The following NT5DC3 variants were observed in gnomAD, a reference collection of about 807,000 sequenced individuals.
NT5DC3 encodes 5'-nucleotidase domain-containing protein 3.
NT5DC3 carries 42 observed loss-of-function variants against 67.8 expected under a neutral mutation model. The observed-to-expected ratio is 0.62, with a 90% CI of 0.48 to 0.80. The LOEUF (loss-of-function observed/expected upper bound fraction) is 0.80. Ranked by LOEUF, NT5DC3 falls within the 30% of genes least tolerant of loss-of-function variation. The probability of loss-of-function intolerance (pLI) is 0.00; values close to 1 mark genes in which losing one functional copy is unlikely to be tolerated. For synonymous variants in NT5DC3, 237 were observed against 255.6 expected, an observed-to-expected ratio of 0.93 and a Z score of 0.69; for missense variants, 570 against 696.4, an observed-to-expected ratio of 0.82 and a Z score of 2.04.
intron 9 of NT5DC3, among the ~76,000 whole-genome samples, chr12:103,789,573 G>A (rs1413619315): frequency 6.6e-6 from 1 of 152,108 alleles, no homozygotes; most frequent in African/African-American, 2.4e-5. Flanking sequence ...CAGATTTCCC[G>A]GATTTACTTG....
At chr12:103,766,110 AC>A (rs1200034883), downstream of NT5DC3, 8 of 825,602 alleles carry the variant, frequency 9.7e-6, no homozygotes, top group East Asian at 2.7e-5. Flanking sequence ...AGGTGGCCCT[AC>A]CCCCAGCCCA....
chr12:103,759,286 C>T, the NT5DC3 span: 2 of 1,612,078 alleles, frequency 1.2e-6, 1 homozygote, highest in South Asian at 2.2e-5. Context: ...ACAAAGTCTT[C>T]TGGGCTTCTT....
At chr12:103,779,674 G>A (rs1275978252) in intron 13 of NT5DC3, among the ~76,000 whole-genome samples, 10 of 152,090 alleles carry the variant, frequency 6.6e-5, no homozygotes, top group Admixed American at 4.6e-4. Context: ...GCTCAGAGAC[G>A]GCTATACCCA....
At chr12:103,798,169 GAAAGAGAACCACA>G (rs1886402965) in intron 5 of NT5DC3, among the ~76,000 whole-genome samples, 1 of 152,152 alleles carries the variant, frequency 6.6e-6, no homozygotes, top group South Asian at 2.1e-4. Context: ...ATTCTGAGTG[GAAAGAGAACCACA>G]AAAGATAGAA....
the NT5DC3 span, chr12:103,749,105 C>G: frequency 6.2e-7 from 1 of 1,612,242 alleles, no homozygotes; most frequent in Non-Finnish European, 8.5e-7. Context: ...CCTGTGCAGA[C>G]GGCCTTAACG....
chr12:103,766,205 C>T (rs770125456), downstream of NT5DC3: 1 of 1,568,514 alleles, frequency 6.4e-7, no homozygotes, highest in Non-Finnish European at 8.8e-7. Context: ...AGTCATGCCT[C>T]AGACCAGTGG....
the NT5DC3 span, chr12:103,748,903 C>G: frequency 6.4e-7 from 1 of 1,556,322 alleles, no homozygotes; most frequent in Non-Finnish European, 8.7e-7. Context: ...CATACCCTGA[C>G]CTGAAGCCCT....
intron 13 of NT5DC3, among the ~76,000 whole-genome samples, chr12:103,778,736 G>A (rs1226547857): frequency 1.3e-5 from 2 of 151,960 alleles, no homozygotes; most frequent in East Asian, 3.9e-4. Context: ...AGCCTGGGTG[G>A]TTGAGGCTGC....
intron 12 of NT5DC3, among the ~76,000 whole-genome samples, chr12:103,780,987 T>C (rs1309029128): frequency 2.6e-5 from 4 of 152,192 alleles, no homozygotes; most frequent in Non-Finnish European, 5.9e-5. Context: ...AACAATTATT[T>C]TTTTGCAAAA....
At chr12:103,815,333 G>A (rs1254499682) in intron 1 of NT5DC3, among the ~76,000 whole-genome samples, 1 of 152,168 alleles carries the variant, frequency 6.6e-6, no homozygotes, top group Non-Finnish European at 1.5e-5. Flanking sequence ...GGCACAGAAA[G>A]GAGATTCATG....
chr12:103,802,778 C>T (rs1347374998), intron 4 of NT5DC3, among the ~76,000 whole-genome samples: 1 of 152,104 alleles, frequency 6.6e-6, no homozygotes, highest in African/African-American at 2.4e-5. Flanking sequence ...TCACTTTCAA[C>T]CAAGAGTCTT....
intron 2 of NT5DC3, among the ~76,000 whole-genome samples, chr12:103,809,062 C>T (rs576645106): frequency 1.3e-5 from 2 of 152,310 alleles, no homozygotes; most frequent in East Asian, 1.9e-4. Context: ...AGTATTTGAA[C>T]CCAGGTCTGT....
chr12:103,807,954 G>A (rs113337115), intron 2 of NT5DC3, among the ~76,000 whole-genome samples: 49 of 152,178 alleles, frequency 3.2e-4, no homozygotes, highest in Non-Finnish European at 5.0e-4. Flanking sequence ...TAAATTACCC[G>A]GCCTTGGGTA....
In NT5DC3 at chr12:103,799,567, T is replaced by G. The variant is rs142105119; in HGVS notation, c.525-890A>C. Among the ~76,000 whole-genome samples, 107 of 152,270 alleles carry G rather than the reference T, an allele frequency of 7.0e-4. 2 individuals carry two copies. In the East Asian group the frequency reaches 0.02, roughly 28 times the overall value. On this transcript the variant is annotated intron_variant, in intron 4 of 13. Transcript: ENST00000392876. ...ATGAGTCCATTAAGCCTCTTTTTCT[T>G]TATAAATTACCCAGTCTCGGGTATG...
chr12:103,766,201 G>A, downstream of NT5DC3: 1 of 1,544,880 alleles, frequency 6.5e-7, no homozygotes, highest in Non-Finnish European at 8.9e-7. Flanking sequence ...GGAGAGTCAT[G>A]CCTCAGACCA....
At chr12:103,761,396 C>T in the NT5DC3 span, 70 of 1,613,494 alleles carry the variant, frequency 4.3e-5, no homozygotes, top group African/African-American at 7.6e-4. Flanking sequence ...TTTAAAAGCA[C>T]CCCCTGCCCC....
chr12:103,811,613 A>G (rs1887035664), intron 2 of NT5DC3, among the ~76,000 whole-genome samples: 1 of 152,232 alleles, frequency 6.6e-6, no homozygotes, highest in East Asian at 1.9e-4. Context: ...AGACATGACA[A>G]CTAACTGCAA....
the NT5DC3 span, chr12:103,748,886 G>A: frequency 6.8e-7 from 1 of 1,474,186 alleles, no homozygotes; most frequent in Non-Finnish European, 9.2e-7. Flanking sequence ...CTAGTGCTGT[G>A]GTGCCCCATA....
chr12:103,837,416 G>A (rs1455241810), intron 1 of NT5DC3, among the ~76,000 whole-genome samples: 1 of 152,190 alleles, frequency 6.6e-6, no homozygotes, highest in East Asian at 1.9e-4. Context: ...TCTGCAGGCG[G>A]CTTAAAGTTC....
Sources: gnomAD v4.1 joint callset for allele counts (sites outside exome capture counted in the v4.1 genomes callset) on GRCh38, gnomAD v4.1.1 for gene constraint, MANE v1.5 for transcripts, NCBI Gene and HGNC (gene_info 2026-07-23, HGNC 2026-07-21) for gene names.